Variants in AXDND1 observed in about 807,000 individuals in gnomAD.
AXDND1 encodes the protein axonemal dynein light chain domain-containing protein 1.
Under a neutral mutation model 137.5 loss-of-function variants are expected in AXDND1, and 110 were observed. The observed-to-expected ratio is 0.80, with a 90% CI of 0.69 to 0.94. AXDND1 has a LOEUF of 0.94. Among genes scored for constraint, AXDND1 ranks in the 40% least tolerant of loss-of-function variants. The pLI is 0.00. For missense variants in AXDND1, 1,191 were observed against 1,169.8 expected (o/e 1.02, Z -0.26); for synonymous variants, 414 against 399.7 (o/e 1.04, Z -0.43).
chr1:179,433,059 T>A (rs979254510), intron 15 of AXDND1, among the ~76,000 whole-genome samples: 8 of 152,098 alleles, frequency 5.3e-5, no homozygotes, highest in Non-Finnish European at 8.8e-5. Flanking sequence ...AATTTGTTAT[T>A]GGTCTGTTCA....
At chr1:179,479,688 A>G (rs1665109046) in intron 17 of AXDND1, among the ~76,000 whole-genome samples, 3 of 152,072 alleles carry the variant, frequency 2.0e-5, no homozygotes, top group Non-Finnish European at 4.4e-5. Flanking sequence ...GAGGCAGGAG[A>G]ATGGCGTGAA....
chr1:179,541,219 A>C (rs1672101857), intron 25 of AXDND1, among the ~76,000 whole-genome samples: 1 of 152,146 alleles, frequency 6.6e-6, no homozygotes. Flanking sequence ...GTACCGTCGC[A>C]CCTGGTACAG....
chr1:179,491,761 C>G, intron 19 of AXDND1, 24 bp downstream of exon 19: 1 of 1,504,456 alleles, frequency 6.6e-7, no homozygotes, highest in Non-Finnish European at 8.9e-7. Context: ...TTTATTGTTG[C>G]CCTTTTGAAG....
intron 17 of AXDND1, among the ~76,000 whole-genome samples, chr1:179,471,015 A>T (rs1269715341): frequency 6.6e-6 from 1 of 151,660 alleles, no homozygotes; most frequent in East Asian, 1.9e-4. Flanking sequence ...TCATGTGATT[A>T]TTTTTTTCAT....
chr1:179,507,437 G>A (rs1313685589), intron 20 of AXDND1, among the ~76,000 whole-genome samples: 2 of 152,062 alleles, frequency 1.3e-5, no homozygotes, highest in Non-Finnish European at 2.9e-5. Flanking sequence ...TTCAACTACA[G>A]ACTAGTTTTG....
At chr1:179,526,456 G>A (rs1328596) in intron 22 of AXDND1, among the ~76,000 whole-genome samples, 133,677 of 152,224 alleles carry the variant, frequency 0.88, 58,869 homozygotes, top group East Asian at 0.96. Flanking sequence ...TGGCAGAACC[G>A]ATATTCAAAC....
intron 9 of AXDND1, 102 bp from the exon 10 acceptor site, chr1:179,393,801 T>G: frequency 1.1e-6 from 1 of 918,986 alleles, no homozygotes. Flanking sequence ...GTTTTCTTGG[T>G]GTATAGCAGT....
At chr1:179,474,053 C>A (rs12751019) in intron 17 of AXDND1, among the ~76,000 whole-genome samples, 17 of 151,592 alleles carry the variant, frequency 1.1e-4, no homozygotes, top group African/African-American at 1.9e-4. Context: ...GTGAAACCCC[C>A]GTCTCTACTA....
chr1:179,392,732 A>T (rs937946334), intron 9 of AXDND1, among the ~76,000 whole-genome samples: 2 of 152,122 alleles, frequency 1.3e-5, no homozygotes, highest in Non-Finnish European at 1.5e-5. Context: ...AGTGATGTTG[A>T]GTATTTTTTC....
rs180971401 is a variant in AXDND1, at chr1:179,520,587, A to G, written c.2497-4747A>G. 1.2e-3 allele frequency among the ~76,000 whole-genome samples: 179 copies of G among 152,062 alleles called. 1 individual carries two copies. Among genetic ancestry groups the G allele is most frequent in the Admixed American group, 0.011 (170 of 15,272 alleles). On this transcript the variant is annotated intron_variant, in intron 21 of 25. Transcript: ENST00000367618. The stretch of plus-strand genomic sequence containing the variant: ...CCACTGCACCTGGCTATTTTTCTAT[A>G]TAACTTTATAAGCTAGTTCTTAAAA...
chr1:179,449,031 G>A (rs1334327289), intron 16 of AXDND1: 1 of 387,128 alleles, frequency 2.6e-6, no homozygotes, highest in East Asian at 8.3e-5. Context: ...GACTACAGGT[G>A]TGTGCCACCA....
chr1:179,447,779 C>A, intron 16 of AXDND1: 1 of 1,323,214 alleles, frequency 7.6e-7, no homozygotes, highest in Non-Finnish European at 1.1e-6. Context: ...TTTACAAATT[C>A]ATTCCCCACT....
intron 16 of AXDND1, among the ~76,000 whole-genome samples, chr1:179,464,291 C>G (rs12139315): frequency 5.3e-5 from 8 of 152,134 alleles, no homozygotes; most frequent in East Asian, 1.9e-4. Context: ...CCTTCAGGAG[C>G]TCTTGTAAGG....
intron 25 of AXDND1, chr1:179,551,086 G>T: frequency 6.5e-7 from 1 of 1,550,086 alleles, no homozygotes; most frequent in Non-Finnish European, 8.9e-7. Flanking sequence ...CCAAAGGAAG[G>T]GCAGGGAATG....
intron 8 of AXDND1, among the ~76,000 whole-genome samples, chr1:179,383,790 T>C (rs4077552): frequency 0.11 from 17,487 of 152,268 alleles, 1,186 homozygotes; most frequent in East Asian, 0.35. Context: ...TGGCATGTGG[T>C]AGACACTGTA....
In AXDND1 at chr1:179,488,645, T is replaced by TTCTTTC. The variant is rs1558256629; in HGVS notation, c.2092-2891_2092-2886dup. 5.0e-4 allele frequency among the ~76,000 whole-genome samples: 35 copies of TTCTTTC among 70,394 alleles called. 4 individuals carry two copies. The highest frequency in any genetic ancestry group is 1.7e-3 in the African/African-American group (27 of 15,832). 46.2% of individuals were successfully genotyped at this position (70,394 alleles called of 152,430 possible). A position where few individuals can be genotyped will look rare whatever the true frequency, so the allele number is the denominator to read the frequency against. On this transcript the variant is annotated intron_variant, in intron 18 of 25. Transcript: ENST00000367618. ...CTCTCTCTCTCTCTCCTTTCTTTCT[T>TTCTTTC]TCTTTCTTTCTTTCTTTCTTTCTTT... is the stretch of plus-strand genomic sequence containing the variant.
At chr1:179,479,475 C>CAA (rs55719902) in intron 17 of AXDND1, among the ~76,000 whole-genome samples, 60,650 of 133,416 alleles carry the variant, frequency 0.45, 14,777 homozygotes, top group African/African-American at 0.5. Flanking sequence ...AACTCTGTCT[C>CAA]AAAAAAAAAA....
In AXDND1 at chr1:179,387,174, T is replaced by C. The variant is rs75108079; in HGVS notation, c.863+1815T>C. Among the ~76,000 whole-genome samples the C allele has an allele frequency of 6.9e-3, 1,052 of 152,276 alleles. 14 individuals carry two copies. Among genetic ancestry groups the C allele is most frequent in the African/African-American group, 0.023 (948 of 41,546 alleles). ...TCCTGCTTCTTTACATGTTTAGTAA[T>C]TGTCTTAGTCTGCCTTGTGCTGCTA... is the stretch of plus-strand genomic sequence containing the variant. On this transcript the variant is annotated intron_variant, in intron 9 of 25. Coordinates refer to ENST00000367618, the MANE Select transcript of AXDND1 (RefSeq NM_144696.6).
chr1:179,385,152 T>G, intron 8 of AXDND1, 86 bp from the exon 9 acceptor site: 1 of 1,135,030 alleles, frequency 8.8e-7, no homozygotes, highest in Non-Finnish European at 1.3e-6. Context: ...TTTCTAAAAC[T>G]TATTTACATT....
Sources: allele counts gnomAD v4.1 joint callset (sites outside exome capture counted in the v4.1 genomes callset), GRCh38; gene constraint gnomAD v4.1.1; transcripts MANE v1.5; gene names NCBI Gene and HGNC (gene_info 2026-07-23, HGNC 2026-07-21).